PHF24: variants seen among roughly 807,000 people sequenced by gnomAD.
PHF24 encodes PHD finger protein 24.
A neutral mutation model predicts 42.6 loss-of-function variants in PHF24; 25 were observed. The observed-to-expected ratio is 0.59, with a 90% confidence interval of 0.43 to 0.82. The LOEUF (loss-of-function observed/expected upper bound fraction) is 0.82. Ranked by LOEUF, PHF24 falls within the 40% of genes least tolerant of loss-of-function variation. PHF24 has a pLI of 0.00. For synonymous variants in PHF24, 185 were observed against 204.8 expected (o/e 0.90, Z 0.83); for missense variants, 470 against 538.1 (o/e 0.87, Z 1.25).
At chr9:34,685,177 A>G in the PHF24 span, among the ~76,000 whole-genome samples, 2 of 152,020 alleles carry the variant, frequency 1.3e-5, no homozygotes, top group Non-Finnish European at 2.9e-5. Context: ...TGCCTGTCAC[A>G]AGGTTCCTTG....
chr9:34,665,906 G>A, the PHF24 span: 3 of 577,632 alleles, frequency 5.2e-6, no homozygotes, highest in East Asian at 8.8e-5. Context: ...GGGGGCCAGG[G>A]CGAGAGGTTT....
chr9:34,785,464 T>G, the PHF24 span, among the ~76,000 whole-genome samples: 1 of 152,228 alleles, frequency 6.6e-6, no homozygotes, highest in African/African-American at 2.4e-5. Flanking sequence ...CATTTTAGAC[T>G]ACCAAAGTAT....
chr9:34,670,520 C>CT, the PHF24 span, among the ~76,000 whole-genome samples: 2,744 of 152,280 alleles, frequency 0.018, 95 homozygotes, highest in African/African-American at 0.062. Context: ...GGAGGAAACT[C>CT]TTTTCTCTTT....
the PHF24 span, chr9:34,835,972 G>A: frequency 1.4e-6 from 1 of 712,972 alleles, no homozygotes; most frequent in Non-Finnish European, 2.6e-6. Context: ...AATCTCCAGA[G>A]CCATAGCATT....
At chr9:34,977,970 G>A in intron 7 of PHF24, 45 bp from the exon 8 acceptor site, 1 of 1,472,046 alleles carries the variant, frequency 6.8e-7, no homozygotes, top group Non-Finnish European at 9.5e-7. Context: ...GGGCTCACGT[G>A]TCTTCAAACC....
At position 34,971,175 on chromosome 9, in the gene PHF24, C is replaced by T. The variant is rs568938335; in HGVS notation, c.-4-120C>T. On this transcript the variant is annotated intron_variant, in intron 1 of 7. Coordinates refer to ENST00000242315, the Ensembl canonical transcript of PHF24. The stretch of plus-strand genomic sequence containing the variant: ...TCCTTAACATGTGCTGTCTCCACCC[C>T]CACCATGTTCTAGAAGAGGGAGAAA... The T allele has an allele frequency of 2.4e-4, 248 of 1,041,478 alleles. 5 individuals are homozygous for T. The South Asian group carries it at 4.2e-3, about 18-fold the overall frequency. The allele number at this position is 1,041,478 out of a possible 1,614,324, so 64.5% of individuals were successfully genotyped here. A position where few individuals can be genotyped will look rare whatever the true frequency, so the allele number is the denominator to read the frequency against.
chr9:34,802,389 C>A, the PHF24 span, among the ~76,000 whole-genome samples: 3 of 138,890 alleles, frequency 2.2e-5, 1 homozygote, highest in Middle Eastern at 0.011. Flanking sequence ...CAATCACCAA[C>A]CTTCCCTTAG....
chr9:34,850,430 C>T, the PHF24 span, among the ~76,000 whole-genome samples: 1,150 of 152,296 alleles, frequency 7.6e-3, 21 homozygotes, highest in African/African-American at 0.026. Context: ...ACGTAGTTCT[C>T]GAGCCTTGGC....
chr9:34,771,471 A>T, the PHF24 span, among the ~76,000 whole-genome samples: 1 of 152,246 alleles, frequency 6.6e-6, no homozygotes, highest in Non-Finnish European at 1.5e-5. Flanking sequence ...AAAAGTTATT[A>T]TGTGGTATAT....
the PHF24 span, among the ~76,000 whole-genome samples, chr9:34,880,756 T>A: frequency 2.0e-5 from 3 of 152,248 alleles, no homozygotes; most frequent in African/African-American, 7.2e-5. Context: ...ACAATAATAA[T>A]GGGAGGCTTT....
At chr9:34,908,431 A>G in the PHF24 span, among the ~76,000 whole-genome samples, 119 of 152,376 alleles carry the variant, frequency 7.8e-4, 1 homozygote, top group African/African-American at 2.7e-3. Flanking sequence ...GGAGAGAGAA[A>G]GCAAACAAAT....
chr9:34,834,893 A>G, the PHF24 span: 8 of 1,405,282 alleles, frequency 5.7e-6, 1 homozygote, highest in Admixed American at 1.1e-4. Flanking sequence ...ATCATTGAAG[A>G]GAAAAGGATC....
chr9:34,952,040 C>T, the PHF24 span, among the ~76,000 whole-genome samples: 1 of 152,006 alleles, frequency 6.6e-6, no homozygotes, highest in Non-Finnish European at 1.5e-5. Context: ...CCAGACAGTG[C>T]AGTAAAGAAA....
the PHF24 span, among the ~76,000 whole-genome samples, chr9:34,848,516 G>C: frequency 1.3e-5 from 2 of 151,974 alleles, no homozygotes; most frequent in Non-Finnish European, 2.9e-5. Flanking sequence ...TTTTGCTAGC[G>C]ATCTATCAAT....
the PHF24 span, chr9:34,665,620 C>T: frequency 1.4e-6 from 1 of 701,376 alleles, no homozygotes; most frequent in Non-Finnish European, 2.6e-6. Flanking sequence ...CACTCCTCCT[C>T]CGCCTCCAGC....
the PHF24 span, among the ~76,000 whole-genome samples, chr9:34,942,816 A>C: frequency 6.6e-6 from 1 of 152,066 alleles, no homozygotes; most frequent in South Asian, 2.1e-4. Flanking sequence ...ACTTGGACCA[A>C]AGGCGGGGAA....
At chr9:34,968,067 A>C (rs775213296) in intron 1 of PHF24, among the ~76,000 whole-genome samples, 3 of 152,228 alleles carry the variant, frequency 2.0e-5, no homozygotes, top group Admixed American at 1.3e-4. Context: ...GATTACAAAA[A>C]GATTAAAAGT....
the PHF24 span, chr9:34,728,196 A>G: frequency 1.1e-6 from 1 of 890,534 alleles, no homozygotes; most frequent in Non-Finnish European, 1.7e-6. Flanking sequence ...AATCCTGAAA[A>G]GTCCGTACTC....
chr9:34,723,861 G>T, the PHF24 span: 1 of 1,551,680 alleles, frequency 6.4e-7, no homozygotes, highest in Non-Finnish European at 8.7e-7. Context: ...CCAGGGACTC[G>T]TGGAGGTAGC....
Sources: allele counts gnomAD v4.1 joint callset (sites outside exome capture counted in the v4.1 genomes callset), GRCh38; gene constraint gnomAD v4.1.1; transcripts MANE v1.5; gene names NCBI Gene and HGNC (gene_info 2026-07-23, HGNC 2026-07-21).